SMOC2: variants seen among roughly 807,000 people sequenced by gnomAD.
SMOC2 encodes SPARC-related modular calcium-binding protein 2.
SMOC2 carries 39 observed loss-of-function variants against 61.4 expected under a neutral mutation model. The observed-to-expected ratio is 0.64, with a 90% CI of 0.49 to 0.83. The LOEUF is 0.83. Ranked by LOEUF, SMOC2 falls within the 40% of genes least tolerant of loss-of-function variation. The pLI, the probability that SMOC2 is intolerant of heterozygous loss-of-function variation, is 0.00. For synonymous variants in SMOC2, 247 were observed against 239.9 expected (o/e 1.03, Z -0.27); for missense variants, 556 against 592.9 (o/e 0.94, Z 0.65).
chr6:168,443,211 G>C (rs1480280744), intron 1 of SMOC2, among the ~76,000 whole-genome samples: 1 of 152,202 alleles, frequency 6.6e-6, no homozygotes, highest in Non-Finnish European at 1.5e-5. Context: ...GTGTGTGTGG[G>C]GGGTGGGGTT....
intron 7 of SMOC2, among the ~76,000 whole-genome samples, chr6:168,550,762 C>G (rs1267336617): frequency 1.3e-5 from 2 of 152,132 alleles, no homozygotes; most frequent in Non-Finnish European, 2.9e-5. Context: ...CTCAGAAATG[C>G]TTGTTATAGA....
intron 7 of SMOC2, among the ~76,000 whole-genome samples, chr6:168,569,040 G>T (rs1201208934): frequency 6.6e-6 from 1 of 152,192 alleles, no homozygotes; most frequent in Non-Finnish European, 1.5e-5. Context: ...GTGGACATCA[G>T]GGTTCAGCAC....
intron 7 of SMOC2, among the ~76,000 whole-genome samples, chr6:168,585,491 G>T (rs189862977): frequency 6.6e-6 from 1 of 152,190 alleles, no homozygotes; most frequent in South Asian, 2.1e-4. Flanking sequence ...TTAGGTTGGG[G>T]CTACTACAAA....
At chr6:168,664,857 ACTT>A in intron 12 of SMOC2, 4 of 466,968 alleles carry the variant, frequency 8.6e-6, no homozygotes, top group South Asian at 6.3e-5. Flanking sequence ...CAAAATCCCC[ACTT>A]CTTTGCTGCC....
At chr6:168,502,720 T>G (rs1782760221) in intron 1 of SMOC2, among the ~76,000 whole-genome samples, 1 of 149,130 alleles carries the variant, frequency 6.7e-6, no homozygotes, top group Non-Finnish European at 1.5e-5. Context: ...CATGCCTCAC[T>G]TACTTTTTTA....
chr6:168,458,616 G>C (rs1479967037), intron 1 of SMOC2, among the ~76,000 whole-genome samples: 1 of 152,108 alleles, frequency 6.6e-6, no homozygotes, highest in Non-Finnish European at 1.5e-5. Context: ...GGCATCTTAG[G>C]GGAGAAACGA....
intron 7 of SMOC2, among the ~76,000 whole-genome samples, chr6:168,562,995 G>A (rs969082879): frequency 2.0e-5 from 3 of 152,236 alleles, no homozygotes; most frequent in South Asian, 2.1e-4. Flanking sequence ...CATGCTCCCC[G>A]GAACGGGGGC....
intron 1 of SMOC2, among the ~76,000 whole-genome samples, chr6:168,508,786 A>T (rs1032863751): frequency 6.6e-6 from 1 of 152,244 alleles, no homozygotes; most frequent in African/African-American, 2.4e-5. Context: ...AGCCCCGCTC[A>T]CGTGCACACC....
chr6:168,502,725 T>TTTTTA (rs201040694), intron 1 of SMOC2, among the ~76,000 whole-genome samples: 4 of 143,428 alleles, frequency 2.8e-5, no homozygotes, highest in Admixed American at 2.1e-4. Flanking sequence ...CTCACTTACT[T>TTTTTA]TTTTATTTTA....
intron 8 of SMOC2, among the ~76,000 whole-genome samples, chr6:168,601,041 C>G (rs759234516): frequency 2.6e-5 from 4 of 152,250 alleles, no homozygotes; most frequent in Non-Finnish European, 4.4e-5. Flanking sequence ...AATATGATCT[C>G]TTAAATGTTA....
chr6:168,506,017 T>C (rs1035597072), intron 1 of SMOC2, among the ~76,000 whole-genome samples: 61 of 151,950 alleles, frequency 4.0e-4, no homozygotes, highest in African/African-American at 1.2e-3. Context: ...TTGAGAATTT[T>C]TTTTTTTTTG....
chr6:168,448,782 G>A (rs1218660874), intron 1 of SMOC2, among the ~76,000 whole-genome samples: 2 of 152,202 alleles, frequency 1.3e-5, no homozygotes, highest in Non-Finnish European at 2.9e-5. Context: ...CATATTCGTA[G>A]CACTTTGAGC....
intron 1 of SMOC2, among the ~76,000 whole-genome samples, chr6:168,502,457 G>C (rs1782752694): frequency 6.6e-6 from 1 of 152,196 alleles, no homozygotes; most frequent in African/African-American, 2.4e-5. Context: ...GCCACCTTCT[G>C]CGTATTTATT....
At position 168,502,228 on chromosome 6, in the gene SMOC2, CT is replaced by C. The variant is rs554904341; in HGVS notation, c.85-7684del. ...AACATCTTCATATCTTTTCCAAACA[CT>C]TTCTCGTGCACTATCACATTTTGTT... On this transcript the variant is annotated intron_variant, in intron 1 of 12. Transcript: ENST00000356284. Among the ~76,000 whole-genome samples, 376 of 152,356 alleles carry C rather than the reference CT, an allele frequency of 2.5e-3. 2 individuals carry two copies. Among genetic ancestry groups the C allele is most frequent in the African/African-American group, 8.7e-3 (360 of 41,584 alleles).
chr6:168,591,383 A>G (rs1785176998), intron 7 of SMOC2, among the ~76,000 whole-genome samples: 1 of 152,258 alleles, frequency 6.6e-6, no homozygotes, highest in Non-Finnish European at 1.5e-5. Flanking sequence ...ATGCAATCAT[A>G]GTTATACTAC....
At chr6:168,626,743 G>C (rs543881583) in intron 9 of SMOC2, among the ~76,000 whole-genome samples, 41 of 152,342 alleles carry the variant, frequency 2.7e-4, no homozygotes, top group Middle Eastern at 3.4e-3. Context: ...GTATCTTGGA[G>C]AGTGCGCCAG....
intron 2 of SMOC2, among the ~76,000 whole-genome samples, chr6:168,512,614 T>C (rs1164093912): frequency 6.6e-6 from 1 of 152,226 alleles, no homozygotes; most frequent in African/African-American, 2.4e-5. Flanking sequence ...TTAAAGATGC[T>C]GACATGAACT....
At chr6:168,493,117 T>A (rs976824331) in intron 1 of SMOC2, among the ~76,000 whole-genome samples, 4 of 151,996 alleles carry the variant, frequency 2.6e-5, no homozygotes, top group African/African-American at 9.7e-5. Context: ...GCTCACTGCA[T>A]CCTCTGCCTC....
chr6:168,490,547 A>G (rs535949383), intron 1 of SMOC2, among the ~76,000 whole-genome samples: 2 of 152,308 alleles, frequency 1.3e-5, no homozygotes, highest in South Asian at 2.1e-4. Flanking sequence ...GTGGTGTGCC[A>G]AGTGAGATTT....
Sources: gnomAD v4.1 joint callset for allele counts (sites outside exome capture counted in the v4.1 genomes callset) on GRCh38, gnomAD v4.1.1 for gene constraint, MANE v1.5 for transcripts, NCBI Gene and HGNC (gene_info 2026-07-23, HGNC 2026-07-21) for gene names.